The following ATG5 variants were observed in gnomAD, a reference collection of about 807,000 sequenced individuals.
The protein encoded by ATG5 is autophagy related 5.
A neutral mutation model predicts 36.5 loss-of-function variants in ATG5; 14 were observed. The ratio of observed to expected loss-of-function variants is 0.38; its 90% CI spans 0.25 to 0.60. The LOEUF is 0.60. Ranked by LOEUF, ATG5 falls within the 20% of genes least tolerant of loss-of-function variation. ATG5 has a pLI of 0.60. For synonymous variants in ATG5, 95 were observed against 101.5 expected, an observed-to-expected ratio of 0.94 and a Z score of 0.38; for missense variants, 195 against 326.7, an observed-to-expected ratio of 0.60 and a Z score of 3.11.
At chr6:106,232,951 C>T (rs1777747355) in intron 6 of ATG5, among the ~76,000 whole-genome samples, 1 of 152,160 alleles carries the variant, frequency 6.6e-6, no homozygotes, top group South Asian at 2.1e-4. Flanking sequence ...CTGTTTCACC[C>T]CAAGGGTTCA....
intron 5 of ATG5, among the ~76,000 whole-genome samples, chr6:106,278,443 T>G (rs1316314683): frequency 1.3e-5 from 2 of 152,218 alleles, no homozygotes; most frequent in African/African-American, 4.8e-5. Flanking sequence ...TAATATGAAA[T>G]TTTTTATAGC....
At chr6:106,261,574 C>T (rs1779019607) in intron 5 of ATG5, among the ~76,000 whole-genome samples, 1 of 152,142 alleles carries the variant, frequency 6.6e-6, no homozygotes, top group Admixed American at 6.5e-5. Context: ...GTGAAGTACC[C>T]AGAACAGAAC....
intron 6 of ATG5, among the ~76,000 whole-genome samples, chr6:106,230,796 G>C (rs989467917): frequency 1.3e-5 from 2 of 152,076 alleles, no homozygotes; most frequent in Non-Finnish European, 2.9e-5. Context: ...ACTCTTTAAG[G>C]GGGAGAAACC....
At chr6:106,230,644 A>G (rs928232323) in intron 6 of ATG5, among the ~76,000 whole-genome samples, 1 of 152,136 alleles carries the variant, frequency 6.6e-6, no homozygotes, top group Non-Finnish European at 1.5e-5. Context: ...TGGCATCCCT[A>G]TGTTCTTTTT....
intron 6 of ATG5, among the ~76,000 whole-genome samples, chr6:106,231,161 C>A (rs1232227218): frequency 1.3e-5 from 2 of 152,196 alleles, no homozygotes; most frequent in Admixed American, 1.3e-4. Context: ...AGTGCACGTA[C>A]CTTTTTCTCT....
chr6:106,187,501 GA>G (rs933489226), intron 7 of ATG5, among the ~76,000 whole-genome samples: 29 of 146,408 alleles, frequency 2.0e-4, no homozygotes, highest in African/African-American at 4.3e-4. Flanking sequence ...TAATGAAAAA[GA>G]AAAAAAAAAT....
chr6:106,325,098 A>G (rs1771238239), intron 1 of ATG5, among the ~76,000 whole-genome samples: 1 of 152,256 alleles, frequency 6.6e-6, no homozygotes, highest in Non-Finnish European at 1.5e-5. Context: ...GTAGCACTAA[A>G]TATTGTTATT....
chr6:106,296,059 T>C (rs1171295859), intron 3 of ATG5, among the ~76,000 whole-genome samples: 1 of 152,118 alleles, frequency 6.6e-6, no homozygotes, highest in East Asian at 1.9e-4. Context: ...ATCGAAGAAG[T>C]CCACAGACTA....
At chr6:106,224,810 G>A (rs1338446970) in intron 6 of ATG5, among the ~76,000 whole-genome samples, 1 of 152,200 alleles carries the variant, frequency 6.6e-6, no homozygotes, top group Admixed American at 6.5e-5. Context: ...GAACCCGGGA[G>A]GCGGAGGTTG....
intron 5 of ATG5, among the ~76,000 whole-genome samples, chr6:106,264,502 T>C (rs577035675): frequency 6.6e-6 from 1 of 152,160 alleles, no homozygotes; most frequent in African/African-American, 2.4e-5. Flanking sequence ...ACCACTAAGA[T>C]ACTCCTAAAG....
rs750978242 is a variant in ATG5, at chr6:106,204,634, A to G, written c.574-2545T>C. ...GTTTTCCTCATGTTGTTCTCGTGAT[A>G]CTGAGTGAATTCTCATGAGATCTGA... On this transcript the variant is annotated intron_variant, in intron 6 of 7. Transcript: ENST00000369076. 5.3e-5 allele frequency among the ~76,000 whole-genome samples: 8 copies of G among 152,220 alleles called. No individual in the cohort carries two copies. The South Asian group carries it at 6.2e-4, about 12-fold the overall frequency.
chr6:106,198,530 A>C (rs892956449), intron 7 of ATG5, among the ~76,000 whole-genome samples: 7 of 152,318 alleles, frequency 4.6e-5, no homozygotes, highest in African/African-American at 1.7e-4. Context: ...TAATGCCAGC[A>C]CTTTGGGAGG....
intron 7 of ATG5, among the ~76,000 whole-genome samples, chr6:106,187,568 T>C (rs710088): frequency 0.043 from 6,601 of 152,208 alleles, 402 homozygotes; most frequent in East Asian, 0.25. Context: ...GTTTGTCTCC[T>C]TTACCTTCTC....
chr6:106,303,857 A>G (rs998984177), intron 3 of ATG5, among the ~76,000 whole-genome samples: 8 of 152,234 alleles, frequency 5.3e-5, no homozygotes, highest in African/African-American at 1.9e-4. Flanking sequence ...TCCAACATCT[A>G]TTCATGACAA....
chr6:106,304,333 ATTT>A (rs1770346281), intron 3 of ATG5: 1 of 152,198 alleles, frequency 6.6e-6, no homozygotes, highest in South Asian at 2.1e-4. Context: ...AACAAAATTA[ATTT>A]TTATCTTTTA....
intron 4 of ATG5, among the ~76,000 whole-genome samples, chr6:106,284,068 T>C (rs1235444328): frequency 1.3e-5 from 2 of 152,238 alleles, no homozygotes; most frequent in Non-Finnish European, 2.9e-5. Flanking sequence ...TGTTTATTCA[T>C]CAGCTGATGG....
intron 5 of ATG5, among the ~76,000 whole-genome samples, chr6:106,266,063 C>A: frequency 6.6e-6 from 1 of 151,776 alleles, no homozygotes; most frequent in South Asian, 2.1e-4. Context: ...AATCCAGCAG[C>A]TGGTTTTTTG....
At chr6:106,193,815 A>G (rs916454617) in intron 7 of ATG5, among the ~76,000 whole-genome samples, 1 of 152,184 alleles carries the variant, frequency 6.6e-6, no homozygotes, top group African/African-American at 2.4e-5. Flanking sequence ...CTGTTTACAT[A>G]TGGTCAGAAT....
chr6:106,295,623 G>A (rs1200261983), intron 3 of ATG5, among the ~76,000 whole-genome samples: 1 of 151,344 alleles, frequency 6.6e-6, no homozygotes, highest in Non-Finnish European at 1.5e-5. Flanking sequence ...GAGTGCAGTG[G>A]TGCAGTCAGA....
Sources: allele counts gnomAD v4.1 joint callset (sites outside exome capture counted in the v4.1 genomes callset), GRCh38; gene constraint gnomAD v4.1.1; transcripts MANE v1.5; gene names NCBI Gene and HGNC (gene_info 2026-07-23, HGNC 2026-07-21).